IGFBP7: variants seen among roughly 807,000 people sequenced by gnomAD.
The protein encoded by IGFBP7 is insulin like growth factor binding protein 7.
A neutral mutation model predicts 29.4 loss-of-function variants in IGFBP7; 31 were observed. The observed-to-expected ratio is 1.05, with a 90% CI of 0.79 to 1.42. The LOEUF is 1.42. Among genes scored for constraint, IGFBP7 ranks in the 40% most tolerant of loss-of-function variants. The pLI, the probability that IGFBP7 is intolerant of heterozygous loss-of-function variation, is 0.00. For synonymous variants in IGFBP7, 172 were observed against 174.9 expected (o/e 0.98, Z 0.13); for missense variants, 393 against 395.5 (o/e 0.99, Z 0.05).
chr4:57,068,205 G>A (rs985050718), intron 1 of IGFBP7, among the ~76,000 whole-genome samples: 2 of 151,490 alleles, frequency 1.3e-5, no homozygotes, highest in African/African-American at 2.4e-5. Flanking sequence ...TGGGAGAATC[G>A]CTTGAGCCTG....
intron 1 of IGFBP7, among the ~76,000 whole-genome samples, chr4:57,047,863 T>C (rs891191170): frequency 6.6e-6 from 1 of 152,170 alleles, no homozygotes; most frequent in Admixed American, 6.5e-5. Flanking sequence ...GCTTCCCAAA[T>C]AGCTAGGACT....
At chr4:57,056,599 G>A (rs1724680096) in intron 1 of IGFBP7, among the ~76,000 whole-genome samples, 1 of 152,284 alleles carries the variant, frequency 6.6e-6, no homozygotes, top group African/African-American at 2.4e-5. Context: ...CAGGAGAGGA[G>A]GACCTGCCTG....
In IGFBP7 at chr4:57,109,902, C is replaced by G. The variant is rs1274255270; in HGVS notation, c.450G>C (p.Gln150His). The stretch of plus-strand genomic sequence containing the variant: ...CTTGCTCGCAGGTGCCCTTGCTGAC[C>G]TGGGTGATGGCCTTCTCCCCGCGGC... ...AESRGEKAIT[Q>H]VSKGTCEQGP... The change falls in exon 1 of 5, where the codon CAG (glutamine) becomes CAC (histidine). Residue 150 changes from glutamine to histidine, a missense_variant. Coordinates refer to ENST00000295666, the MANE Select transcript of IGFBP7 (RefSeq NM_001553.3). 1 of 1,555,148 alleles carries G rather than the reference C, an allele frequency of 6.4e-7. No individual in the cohort carries two copies.
chr4:57,032,619 G>A, intron 3 of IGFBP7, 67 bp from the exon 4 acceptor site: 2 of 1,258,458 alleles, frequency 1.6e-6, no homozygotes, highest in Non-Finnish European at 2.3e-6. Flanking sequence ...GTTCCAGTGA[G>A]GTCATTATTT....
rs568879721 is a variant in IGFBP7, at chr4:57,031,753, T to C, written c.830-417A>G. Among the ~76,000 whole-genome samples, 3 of 152,362 alleles carry C rather than the reference T, an allele frequency of 2.0e-5. No homozygotes were observed. The South Asian group carries it at 6.2e-4, about 32-fold the overall frequency. The stretch of plus-strand genomic sequence containing the variant: ...TTTCATTGCCTGACATTACACATTA[T>C]GGCTGAAGAGAATCTGACCAAATAC... On this transcript the variant is annotated intron_variant, in intron 4 of 4. Transcript: ENST00000295666.
chr4:57,049,715 T>G (rs6822945), intron 1 of IGFBP7, among the ~76,000 whole-genome samples: 1 of 152,062 alleles, frequency 6.6e-6, no homozygotes, highest in East Asian at 1.9e-4. Flanking sequence ...GCTGGCCTAA[T>G]TGAGGATGCC....
intron 1 of IGFBP7, among the ~76,000 whole-genome samples, chr4:57,095,799 A>G (rs1031760241): frequency 1.3e-5 from 2 of 152,174 alleles, no homozygotes; most frequent in African/African-American, 4.8e-5. Flanking sequence ...ATACTCCCCT[A>G]AGCTGGGGGA....
At chr4:57,092,396 A>G (rs1725663062) in intron 1 of IGFBP7, among the ~76,000 whole-genome samples, 1 of 152,200 alleles carries the variant, frequency 6.6e-6, no homozygotes. Context: ...GTAATATTAG[A>G]TGCAAACTAG....
intron 1 of IGFBP7, 36 bp downstream of exon 1, chr4:57,109,841 C>G (rs1277804044): frequency 1.3e-6 from 2 of 1,522,652 alleles, no homozygotes; most frequent in Non-Finnish European, 1.8e-6. Flanking sequence ...CTGGGCCGAG[C>G]GGCGCAGGGT....
chr4:57,094,124 C>T lies in IGFBP7; in HGVS notation c.475+15753G>A, dbSNP rs183988471. 2.1e-3 allele frequency among the ~76,000 whole-genome samples: 326 copies of T among 152,276 alleles called. 2 individuals are homozygous for T. Among genetic ancestry groups the T allele is most frequent in the Non-Finnish European group, 2.1e-3 (142 of 68,028 alleles). On this transcript the variant is annotated intron_variant, in intron 1 of 4. Transcript: ENST00000295666. Reference sequence around the variant, plus strand: ...CCAGGATGGACTGCAGGTTTCTAAGCTCCTTAGAGCAGGGGCAGTCTTTCT... The same window carrying T: ...CCAGGATGGACTGCAGGTTTCTAAGTTCCTTAGAGCAGGGGCAGTCTTTCT...
intron 1 of IGFBP7, among the ~76,000 whole-genome samples, chr4:57,095,172 A>G (rs1725732074): frequency 6.6e-6 from 1 of 152,226 alleles, no homozygotes; most frequent in Admixed American, 6.5e-5. Context: ...CTTGAGCTGC[A>G]GTGCTTGCTG....
At chr4:57,073,912 A>G (rs1217908393) in intron 1 of IGFBP7, among the ~76,000 whole-genome samples, 2 of 152,152 alleles carry the variant, frequency 1.3e-5, no homozygotes, top group African/African-American at 4.8e-5. Flanking sequence ...GGTGAGGAAA[A>G]AGGGAAGAGG....
intron 1 of IGFBP7, among the ~76,000 whole-genome samples, chr4:57,099,761 C>T (rs1725848281): frequency 6.6e-6 from 1 of 152,162 alleles, no homozygotes; most frequent in African/African-American, 2.4e-5. Flanking sequence ...GACAGGGTCT[C>T]CTTCTGTCAT....
At chr4:57,076,953 C>A (rs181957584) in intron 1 of IGFBP7, among the ~76,000 whole-genome samples, 16 of 152,268 alleles carry the variant, frequency 1.1e-4, no homozygotes, top group African/African-American at 3.1e-4. Flanking sequence ...TAATTTCAAT[C>A]ATATCCAATC....
At chr4:57,040,659 T>G (rs1240090513) in intron 2 of IGFBP7, among the ~76,000 whole-genome samples, 165 bp downstream of exon 2, 1 of 152,238 alleles carries the variant, frequency 6.6e-6, no homozygotes, top group African/African-American at 2.4e-5. Context: ...GGACTGGTTT[T>G]TGTTCCATGA....
intron 1 of IGFBP7, among the ~76,000 whole-genome samples, chr4:57,046,554 C>T (rs1033314985): frequency 6.6e-6 from 1 of 152,170 alleles, no homozygotes; most frequent in African/African-American, 2.4e-5. Context: ...TATCATCTAA[C>T]TCATACTCAG....
chr4:57,099,577 C>A (rs974040779), intron 1 of IGFBP7, among the ~76,000 whole-genome samples: 1 of 152,154 alleles, frequency 6.6e-6, no homozygotes, highest in African/African-American at 2.4e-5. Flanking sequence ...CTAGCCTACT[C>A]AGAGTTACTA....
chr4:57,033,919 C>T (rs192354732), intron 2 of IGFBP7, among the ~76,000 whole-genome samples: 2 of 152,098 alleles, frequency 1.3e-5, no homozygotes, highest in East Asian at 1.9e-4. Context: ...ATTGTGTTGG[C>T]GAGCACCCGT....
At chr4:57,050,860 T>C (rs1014271752) in intron 1 of IGFBP7, among the ~76,000 whole-genome samples, 3 of 152,134 alleles carry the variant, frequency 2.0e-5, no homozygotes, top group South Asian at 2.1e-4. Flanking sequence ...TCATGGCCTC[T>C]TGCTGAGTAC....
Sources: gnomAD v4.1 joint callset for allele counts (sites outside exome capture counted in the v4.1 genomes callset) on GRCh38, gnomAD v4.1.1 for gene constraint, MANE v1.5 for transcripts, NCBI Gene and HGNC (gene_info 2026-07-23, HGNC 2026-07-21) for gene names.